CDH12: variants seen among roughly 807,000 people sequenced by gnomAD.
The protein encoded by CDH12 is cadherin-12.
A neutral mutation model predicts 74.1 loss-of-function variants in CDH12; 41 were observed. The ratio of observed to expected loss-of-function variants is 0.55; its 90% CI spans 0.43 to 0.72. CDH12 has a LOEUF of 0.72. Ranked by LOEUF, CDH12 falls within the 30% of genes least tolerant of loss-of-function variation. The probability of loss-of-function intolerance (pLI) is 0.00; values close to 1 mark genes in which losing one functional copy is unlikely to be tolerated. For missense variants in CDH12, 945 were observed against 977.2 expected (o/e 0.97, Z 0.44); for synonymous variants, 399 against 355.0 (o/e 1.12, Z -1.39).
At chr5:22,394,313 T>C (rs1742364340) in intron 3 of CDH12, among the ~76,000 whole-genome samples, 1 of 152,148 alleles carries the variant, frequency 6.6e-6, no homozygotes, top group African/African-American at 2.4e-5. Flanking sequence ...ACTAGGTTTT[T>C]GAGACTGTTA....
intron 4 of CDH12, among the ~76,000 whole-genome samples, chr5:22,125,739 T>C (rs1283436781): frequency 3.9e-5 from 6 of 152,320 alleles, no homozygotes; most frequent in Non-Finnish European, 5.9e-5. Context: ...CAGTGTTTCC[T>C]CAAGTAGCCT....
At chr5:22,361,326 C>G (rs1296937231) in intron 3 of CDH12, among the ~76,000 whole-genome samples, 1 of 152,144 alleles carries the variant, frequency 6.6e-6, no homozygotes. Context: ...AACTCCCATT[C>G]ACAATTGCTT....
At chr5:22,247,285 T>A (rs868584370) in intron 3 of CDH12, among the ~76,000 whole-genome samples, 12 of 139,380 alleles carry the variant, frequency 8.6e-5, no homozygotes, top group Middle Eastern at 3.5e-3. Context: ...CATGCAATCA[T>A]TAATTCAGCG....
Position 21,751,441 on chromosome 5 carries a change from G to T in CDH12, c.*296C>A. On this transcript the variant is annotated 3_prime_UTR_variant, in exon 15 of 15. Transcript: ENST00000382254. ...GGTTGTCATGTCAGTAAATTGTATTGAATAGGCCTGAGCTTGTCTCAGTGT... is the reference window on the plus strand; with the variant it reads ...GGTTGTCATGTCAGTAAATTGTATTTAATAGGCCTGAGCTTGTCTCAGTGT... 1 of 307,568 alleles carries T rather than the reference G, an allele frequency of 3.3e-6. No individual in the cohort carries two copies. The highest frequency in any genetic ancestry group is 2.1e-5 in the African/African-American group (1 of 47,108). The allele number at this position is 307,568 out of a possible 1,614,324, so 19.1% of individuals were successfully genotyped here.
At chr5:22,217,368 A>C (rs536991213) in intron 3 of CDH12, among the ~76,000 whole-genome samples, 1 of 151,974 alleles carries the variant, frequency 6.6e-6, no homozygotes, top group South Asian at 2.1e-4. Flanking sequence ...AATTATCTTA[A>C]AATTGGAGAG....
chr5:21,847,786 A>G (rs900757168), intron 7 of CDH12, among the ~76,000 whole-genome samples: 5 of 151,688 alleles, frequency 3.3e-5, no homozygotes, highest in African/African-American at 1.2e-4. Flanking sequence ...TAGCATACAT[A>G]CTCTTCCTTA....
chr5:22,188,502 C>T lies in CDH12; in HGVS notation c.-187+23996G>A, dbSNP rs142570853. 3.3e-5 allele frequency among the ~76,000 whole-genome samples: 5 copies of T among 152,186 alleles called. No homozygotes were observed. The East Asian group carries it at 5.8e-4, about 18-fold the overall frequency. ...GGCAGGATGCTTAGTGCTGAGGGTC[C>T]GACTTTGTATCATCCTACATTTTTC... is the stretch of plus-strand genomic sequence containing the variant. On this transcript the variant is annotated intron_variant, in intron 4 of 14. Transcript: ENST00000382254.
chr5:21,816,745 C>A (rs568344283), intron 9 of CDH12, among the ~76,000 whole-genome samples, 200 bp downstream of exon 9: 1 of 147,996 alleles, frequency 6.8e-6, no homozygotes, highest in South Asian at 2.1e-4. Flanking sequence ...GCTATTAGTA[C>A]GGAAATTTTG....
chr5:22,234,791 T>C (rs527428297), intron 3 of CDH12, among the ~76,000 whole-genome samples: 3 of 152,216 alleles, frequency 2.0e-5, no homozygotes, highest in Admixed American at 6.5e-5. Flanking sequence ...TTCACTAAAC[T>C]CAGATGCCCA....
chr5:21,947,521 C>T (rs1336365034), intron 6 of CDH12, among the ~76,000 whole-genome samples: 1 of 152,180 alleles, frequency 6.6e-6, no homozygotes, highest in Non-Finnish European at 1.5e-5. Context: ...AAGCATTTTG[C>T]CCCTGTCCTA....
intron 2 of CDH12, among the ~76,000 whole-genome samples, chr5:22,441,502 T>C (rs990101710): frequency 5.3e-5 from 8 of 152,150 alleles, no homozygotes; most frequent in Non-Finnish European, 8.8e-5. Flanking sequence ...TCTAATCCTT[T>C]AAGTTTTAAT....
intron 14 of CDH12, among the ~76,000 whole-genome samples, chr5:21,753,230 A>G (rs185209945): frequency 7.6e-4 from 116 of 152,324 alleles, no homozygotes; most frequent in Non-Finnish European, 1.4e-3. Flanking sequence ...AGTAGAGAAG[A>G]ATGCATGATG....
chr5:22,330,148 A>G (rs1449073330), intron 3 of CDH12, among the ~76,000 whole-genome samples: 4 of 152,162 alleles, frequency 2.6e-5, no homozygotes, highest in Non-Finnish European at 5.9e-5. Context: ...TTTGTTTTGC[A>G]TCATGGATAC....
chr5:22,108,702 G>T (rs1036912589), intron 4 of CDH12, among the ~76,000 whole-genome samples: 1 of 152,176 alleles, frequency 6.6e-6, no homozygotes, highest in Non-Finnish European at 1.5e-5. Flanking sequence ...TTAACACTTA[G>T]ACATAGAGTG....
chr5:21,802,344 T>A lies in CDH12; in HGVS notation c.1079A>T (p.His360Leu). ...ASNLHLDHRF[H>L]SAGPFKDTAT... ...TGTGTCTTTGAAAGGGCCCGCCGAG[T>A]GAAACCGGTGGTCAAGGTGAAGGTT... The change falls in exon 10 of 15, where the codon CAC becomes CTC. Residue 360 changes from histidine to leucine, a missense_variant. Coordinates refer to ENST00000382254, the MANE Select transcript of CDH12 (RefSeq NM_004061.5). 1 of 1,613,756 alleles carries A rather than the reference T, an allele frequency of 6.2e-7. No individual in the cohort carries two copies. Among genetic ancestry groups the A allele is most frequent in the South Asian group, 1.1e-5 (1 of 91,080 alleles).
intron 10 of CDH12, among the ~76,000 whole-genome samples, chr5:21,796,456 A>G (rs375078528): frequency 8.2e-4 from 125 of 152,186 alleles, no homozygotes; most frequent in African/African-American, 2.7e-3. Flanking sequence ...ACACCATTGC[A>G]AAGTGAAAAC....
intron 2 of CDH12, among the ~76,000 whole-genome samples, chr5:22,446,712 T>C (rs2126552813): frequency 6.6e-6 from 1 of 152,056 alleles, no homozygotes; most frequent in Admixed American, 6.6e-5. Context: ...GTCCAATCGA[T>C]TTATTTCTTC....
chr5:22,122,435 A>G (rs2150276747), intron 4 of CDH12, among the ~76,000 whole-genome samples: 1 of 151,992 alleles, frequency 6.6e-6, no homozygotes, highest in African/African-American at 2.4e-5. Flanking sequence ...AAACAAACAA[A>G]ACTCTTTTCC....
chr5:22,851,736 C>A (rs895534370), intron 1 of CDH12, among the ~76,000 whole-genome samples: 9 of 152,106 alleles, frequency 5.9e-5, no homozygotes, highest in African/African-American at 2.2e-4. Flanking sequence ...ATCTGCCTTT[C>A]AATTCTGAAG....
Sources: allele counts gnomAD v4.1 joint callset (sites outside exome capture counted in the v4.1 genomes callset), GRCh38; gene constraint gnomAD v4.1.1; transcripts MANE v1.5; gene names NCBI Gene and HGNC (gene_info 2026-07-23, HGNC 2026-07-21).